The following ANKS1B variants were observed in gnomAD, a reference collection of about 807,000 sequenced individuals.
The protein encoded by ANKS1B is ankyrin repeat and sterile alpha motif domain containing 1B.
ANKS1B carries 36 observed loss-of-function variants against 148.3 expected under a neutral mutation model. The ratio of observed to expected loss-of-function variants is 0.24; its 90% CI spans 0.19 to 0.32. ANKS1B has a LOEUF of 0.32. Ranked by LOEUF, ANKS1B falls within the 10% of genes least tolerant of loss-of-function variation. ANKS1B has a pLI of 1.00. For synonymous variants in ANKS1B, 542 were observed against 560.8 expected (o/e 0.97, Z 0.47); for missense variants, 1,157 against 1,542.6 (o/e 0.75, Z 4.19).
chr12:99,482,531 T>C (rs1169814405), intron 10 of ANKS1B, among the ~76,000 whole-genome samples: 1 of 152,102 alleles, frequency 6.6e-6, no homozygotes, highest in Non-Finnish European at 1.5e-5. Flanking sequence ...TGGTTCCATA[T>C]GAATTTTAGA....
At chr12:98,945,618 T>C (rs187801478) in intron 17 of ANKS1B, among the ~76,000 whole-genome samples, 7 of 150,926 alleles carry the variant, frequency 4.6e-5, no homozygotes, top group African/African-American at 1.7e-4. Context: ...AACTCCTGAG[T>C]CTGAAACATT....
chr12:99,847,195 T>C (rs1217136830), intron 1 of ANKS1B, among the ~76,000 whole-genome samples: 1 of 151,322 alleles, frequency 6.6e-6, no homozygotes, highest in Non-Finnish European at 1.5e-5. Context: ...ATTCTCAAAC[T>C]CCTAGGTTCA....
intron 15 of ANKS1B, among the ~76,000 whole-genome samples, chr12:99,136,487 A>G (rs1287044342): frequency 6.6e-6 from 1 of 152,208 alleles, no homozygotes; most frequent in Non-Finnish European, 1.5e-5. Flanking sequence ...ACACAAAAAA[A>G]TTATATTTTG....
intron 1 of ANKS1B, among the ~76,000 whole-genome samples, chr12:99,914,696 G>A (rs2094115102): frequency 6.6e-6 from 1 of 152,078 alleles, no homozygotes; most frequent in African/African-American, 2.4e-5. Flanking sequence ...AAGGGGGAGG[G>A]TGGTGATGCA....
At chr12:99,796,713 ATAAAG>A (rs1427454594) in intron 4 of ANKS1B, among the ~76,000 whole-genome samples, 3 of 151,990 alleles carry the variant, frequency 2.0e-5, no homozygotes, top group African/African-American at 4.8e-5. Context: ...TTATTAAACT[ATAAAG>A]TAATGACAAG....
chr12:98,910,438 T>C (rs2099785195), intron 17 of ANKS1B, among the ~76,000 whole-genome samples: 1 of 152,188 alleles, frequency 6.6e-6, no homozygotes, highest in Non-Finnish European at 1.5e-5. Flanking sequence ...ATTTAGCTTG[T>C]TGGCACCTGA....
chr12:99,162,465 A>AAT (rs2076755485), intron 14 of ANKS1B, among the ~76,000 whole-genome samples: 1 of 152,148 alleles, frequency 6.6e-6, no homozygotes, highest in African/African-American at 2.4e-5. Context: ...GGGGTTGTTT[A>AAT]ATATATATTG....
intron 23 of ANKS1B, 43 bp downstream of exon 23, chr12:98,782,083 T>C (rs1338587253): frequency 4.5e-5 from 70 of 1,549,592 alleles, no homozygotes; most frequent in Non-Finnish European, 6.1e-5. Context: ...TTGCCCTCTA[T>C]ATATACTAGT....
rs2096584735 is a variant in ANKS1B at position 99,494,558 on chromosome 12, C to A, written c.1438+9918G>T. Among the ~76,000 whole-genome samples the A allele has an allele frequency of 1.3e-5, 2 of 151,454 alleles. 1 individual carries two copies. Among genetic ancestry groups the A allele is most frequent in the African/African-American group, 4.9e-5 (2 of 41,172 alleles). Reference sequence around the variant, plus strand: ...ACCATCCTGGCTAACACGGAGAAACCCCATCTCTACTAAAAATACAAAAAA... The same window carrying A: ...ACCATCCTGGCTAACACGGAGAAACACCATCTCTACTAAAAATACAAAAAA... On this transcript the variant is annotated intron_variant, in intron 10 of 26. Transcript: ENST00000683438.
At chr12:99,755,198 A>G (rs1224737813) in intron 8 of ANKS1B, among the ~76,000 whole-genome samples, 3 of 152,128 alleles carry the variant, frequency 2.0e-5, no homozygotes, top group Non-Finnish European at 2.9e-5. Context: ...AATGCAAACA[A>G]CCATCAAAGA....
At chr12:99,507,998 C>T (rs2202037) in intron 9 of ANKS1B, among the ~76,000 whole-genome samples, 37,217 of 151,580 alleles carry the variant, frequency 0.25, 5,103 homozygotes, top group African/African-American at 0.37. Flanking sequence ...ATTGCTTGGA[C>T]TGTGTTAAAT....
intron 16 of ANKS1B, among the ~76,000 whole-genome samples, chr12:99,080,940 T>C (rs1279174676): frequency 6.6e-6 from 1 of 152,134 alleles, no homozygotes; most frequent in Admixed American, 6.6e-5. Flanking sequence ...AGGAAAGCTT[T>C]TAGAGCTGAG....
chr12:99,510,015 C>A (rs527318225), intron 9 of ANKS1B, among the ~76,000 whole-genome samples: 3 of 152,088 alleles, frequency 2.0e-5, no homozygotes, highest in African/African-American at 7.2e-5. Flanking sequence ...TGGATGACAG[C>A]ATGTCTGTTG....
intron 19 of ANKS1B, among the ~76,000 whole-genome samples, chr12:98,811,201 C>T (rs746751070): frequency 6.6e-6 from 1 of 152,180 alleles, no homozygotes; most frequent in Non-Finnish European, 1.5e-5. Context: ...GGCAGGTCCT[C>T]CCACTGCACA....
chr12:99,957,654 G>A (rs1023920590), intron 1 of ANKS1B, among the ~76,000 whole-genome samples: 1 of 152,148 alleles, frequency 6.6e-6, no homozygotes, highest in African/African-American at 2.4e-5. Context: ...TTAAATTTCT[G>A]TGGCTCTCAC....
At chr12:99,832,755 G>C (rs1376148887) in intron 1 of ANKS1B, among the ~76,000 whole-genome samples, 1 of 149,962 alleles carries the variant, frequency 6.7e-6, no homozygotes, top group Non-Finnish European at 1.5e-5. Context: ...GAGAGAGAAA[G>C]CTCATAAATG....
At chr12:99,234,083 T>G (rs974993) in intron 14 of ANKS1B, among the ~76,000 whole-genome samples, 143 of 152,216 alleles carry the variant, frequency 9.4e-4, no homozygotes, top group Non-Finnish European at 1.7e-3. Context: ...ACATAAGTGT[T>G]CAAAAAACTA....
intron 12 of ANKS1B, among the ~76,000 whole-genome samples, chr12:99,255,071 C>T (rs1438207722): frequency 7.2e-5 from 11 of 152,126 alleles, no homozygotes; most frequent in Admixed American, 6.5e-4. Flanking sequence ...AAGATTGGAA[C>T]GATATGTTTC....
At position 99,942,243 on chromosome 12, in the gene ANKS1B, A is replaced by G. The variant is rs547469483; in HGVS notation, c.134+41861T>C. Among the ~76,000 whole-genome samples the G allele has an allele frequency of 7.9e-4, 120 of 152,276 alleles. 2 individuals carry two copies. The highest frequency in any genetic ancestry group is 2.6e-3 in the African/African-American group (106 of 41,560). On this transcript the variant is annotated intron_variant, in intron 1 of 26. Coordinates refer to ENST00000683438, the MANE Select transcript of ANKS1B (RefSeq NM_001352186.2). ...GCAAAAGGATCATCAGGACAACAAT[A>G]AGTGTTTCCAGAAGCATGGACCATC...
Sources: gnomAD v4.1 joint callset for allele counts (sites outside exome capture counted in the v4.1 genomes callset) on GRCh38, gnomAD v4.1.1 for gene constraint, MANE v1.5 for transcripts, NCBI Gene and HGNC (gene_info 2026-07-23, HGNC 2026-07-21) for gene names.